The following PIK3C3 variants were observed in gnomAD, a reference collection of about 807,000 sequenced individuals.
PIK3C3 encodes the protein PI3-kinase type 3.
A neutral mutation model predicts 126.1 loss-of-function variants in PIK3C3; 95 were observed. The ratio of observed to expected loss-of-function variants is 0.75; its 90% confidence interval spans 0.64 to 0.89. PIK3C3 has a LOEUF of 0.89. Among genes scored for constraint, PIK3C3 ranks in the 40% least tolerant of loss-of-function variants. PIK3C3 has a pLI of 0.00. For synonymous variants in PIK3C3, 374 were observed against 360.0 expected, an observed-to-expected ratio of 1.04 and a Z score of -0.44; for missense variants, 829 against 1,063.2, an observed-to-expected ratio of 0.78 and a Z score of 3.06.
chr18:42,033,890 T>A lies in PIK3C3; in HGVS notation c.1772T>A (p.Ile591Asn). 6.2e-7 allele frequency: 1 copy of A among 1,605,844 alleles called. No homozygotes were observed. The highest frequency in any genetic ancestry group is 8.5e-7 in the Non-Finnish European group (1 of 1,174,574). Residue 591 changes from isoleucine (I) to asparagine (N), a missense_variant, in exon 16 of 25, where the codon ATC (isoleucine) becomes AAC (asparagine). Transcript: ENST00000262039. ...EKMNLSDVEL[I>N]PLPLEPQVKI... ...ATGAATTTGTCAGATGTGGAACTTA[T>A]CCCGTTGCCTTTAGAACCCCAAGTG...
chr18:42,000,119 T>G (rs1982214748), intron 9 of PIK3C3, among the ~76,000 whole-genome samples: 1 of 152,202 alleles, frequency 6.6e-6, no homozygotes, highest in Non-Finnish European at 1.5e-5. Context: ...AATGGCATGA[T>G]CTCGGCTCAC....
intron 15 of PIK3C3, among the ~76,000 whole-genome samples, chr18:42,029,677 G>A (rs1262379501): frequency 2.7e-5 from 4 of 150,930 alleles, no homozygotes; most frequent in Admixed American, 2.0e-4. Context: ...CGAGTAGCTA[G>A]GATTACAGGT....
chr18:42,027,889 C>T (rs1042031566), intron 14 of PIK3C3, among the ~76,000 whole-genome samples: 5 of 152,132 alleles, frequency 3.3e-5, no homozygotes, highest in African/African-American at 1.2e-4. Context: ...CTCCTGACCT[C>T]AGGTGATGCA....
rs770017307 is a variant in PIK3C3 at position 42,081,094 on chromosome 18, T to A, written c.2650-29T>A. ...TTTGTGAATAATTAAGTAAATTATT[T>A]TCTGTTTATTTCTTTTTAATTTTTG... On this transcript the variant is annotated intron_variant, in intron 24 of 24. Coordinates refer to ENST00000262039, the MANE Select transcript of PIK3C3 (RefSeq NM_002647.4). 2.3e-6 allele frequency: 3 copies of A among 1,285,936 alleles called. No individual in the cohort carries two copies. In the South Asian group the frequency reaches 3.8e-5, roughly 16 times the overall value. 79.7% of individuals were successfully genotyped at this position (1,285,936 alleles called of 1,614,324 possible). A position where few individuals can be genotyped will look rare whatever the true frequency, so the allele number is the denominator to read the frequency against.
At chr18:42,061,192 A>G (rs758180967) in intron 22 of PIK3C3, among the ~76,000 whole-genome samples, 1 of 152,194 alleles carries the variant, frequency 6.6e-6, no homozygotes, top group Non-Finnish European at 1.5e-5. Context: ...AATCCTAATT[A>G]TATCACATTC....
intron 4 of PIK3C3, among the ~76,000 whole-genome samples, chr18:41,974,278 C>G (rs1980809515): frequency 6.6e-6 from 1 of 152,120 alleles, no homozygotes; most frequent in Admixed American, 6.5e-5. Context: ...CAGTTGAATT[C>G]TAATTACAGT....
chr18:42,038,289 A>G (rs925867504), intron 17 of PIK3C3, among the ~76,000 whole-genome samples: 1 of 152,154 alleles, frequency 6.6e-6, no homozygotes, highest in African/African-American at 2.4e-5. Flanking sequence ...TGAAAAATTT[A>G]GCATACCGTC....
chr18:42,015,052 G>T (rs780121366), intron 11 of PIK3C3, among the ~76,000 whole-genome samples: 1 of 152,076 alleles, frequency 6.6e-6, no homozygotes, highest in Non-Finnish European at 1.5e-5. Flanking sequence ...CCAACTTACG[G>T]TCTACTAGTC....
chr18:41,994,603 A>G (rs1194735723), intron 7 of PIK3C3, among the ~76,000 whole-genome samples: 1 of 152,176 alleles, frequency 6.6e-6, no homozygotes, highest in African/African-American at 2.4e-5. Flanking sequence ...GAAATCTAGT[A>G]TATGATATAG....
At chr18:42,051,360 A>G (rs1457480388) in intron 21 of PIK3C3, 2 of 152,222 alleles carry the variant, frequency 1.3e-5, no homozygotes, top group Non-Finnish European at 2.9e-5. Context: ...CGCTTTCTGC[A>G]GAAAGCAGAT....
chr18:42,036,779 A>G (rs756087062), intron 16 of PIK3C3, among the ~76,000 whole-genome samples: 2 of 152,140 alleles, frequency 1.3e-5, no homozygotes, highest in Non-Finnish European at 2.9e-5. Flanking sequence ...TAAATGAGGA[A>G]TTTGAGTCTT....
At chr18:42,016,325 G>A (rs517864) in intron 12 of PIK3C3, among the ~76,000 whole-genome samples, 76,470 of 151,930 alleles carry the variant, frequency 0.5, 21,302 homozygotes, top group African/African-American at 0.75. Context: ...GAATTTTTAA[G>A]TTACAGAATC....
chr18:41,957,762 A>C lies in PIK3C3; in HGVS notation c.257+4A>C. 1 of 1,606,006 alleles carries C rather than the reference A, an allele frequency of 6.2e-7. No homozygotes were observed. On this transcript the variant is annotated splice_donor_region_variant and intron_variant, in intron 2 of 24. Transcript: ENST00000262039. ...AAGCATTTAGTACAAGATGGAAGTA[A>C]GTTTTTTTGTGGCATATGGTATGTT...
intron 10 of PIK3C3, among the ~76,000 whole-genome samples, chr18:42,010,139 G>A (rs769284320): frequency 6.6e-6 from 1 of 152,126 alleles, no homozygotes; most frequent in Non-Finnish European, 1.5e-5. Context: ...TGTTTATGGA[G>A]TATTTTGAAT....
At chr18:41,970,083 T>C (rs1047952425) in intron 3 of PIK3C3, among the ~76,000 whole-genome samples, 2 of 152,226 alleles carry the variant, frequency 1.3e-5, no homozygotes, top group Admixed American at 6.5e-5. Flanking sequence ...CCTTCCACTC[T>C]CTGTGTAGAA....
At chr18:41,985,206 G>A (rs1981407661) in intron 4 of PIK3C3, 1 of 152,088 alleles carries the variant, frequency 6.6e-6, no homozygotes, top group African/African-American at 2.4e-5. Context: ...TTATTTAAAT[G>A]TCTCTCAAGA....
At chr18:42,076,153 TATATATATGCAC>T (rs1440821115) in intron 24 of PIK3C3, among the ~76,000 whole-genome samples, 19 of 117,042 alleles carry the variant, frequency 1.6e-4, no homozygotes, top group East Asian at 2.6e-4. Flanking sequence ...TGCGCATATA[TATATATATGCAC>T]ATATATATAT....
At chr18:42,075,151 AAG>A (rs1326503623) in intron 24 of PIK3C3, among the ~76,000 whole-genome samples, 1 of 152,198 alleles carries the variant, frequency 6.6e-6, no homozygotes, top group African/African-American at 2.4e-5. Context: ...GTGACCTAAA[AAG>A]AAGAGAAAAA....
chr18:41,974,967 T>G (rs1233911692), intron 4 of PIK3C3, among the ~76,000 whole-genome samples: 1 of 152,230 alleles, frequency 6.6e-6, no homozygotes. Flanking sequence ...GTGCTTTAGT[T>G]TCTGTCAGTT....
Sources: allele counts gnomAD v4.1 joint callset (sites outside exome capture counted in the v4.1 genomes callset), GRCh38; gene constraint gnomAD v4.1.1; transcripts MANE v1.5; gene names NCBI Gene and HGNC (gene_info 2026-07-23, HGNC 2026-07-21).